Variants in PACRG observed in about 807,000 individuals in gnomAD.
The protein encoded by PACRG is parkin coregulated gene protein.
Under a neutral mutation model 29.7 loss-of-function variants are expected in PACRG, and 29 were observed. The observed-to-expected ratio is 0.98, with a 90% CI of 0.73 to 1.33. PACRG has a LOEUF of 1.33. PACRG is among the 40% of genes most tolerant of loss of function. The pLI is 0.00. For missense variants in PACRG, 279 were observed against 316.2 expected (o/e 0.88, Z 0.89); for synonymous variants, 116 against 118.7 (o/e 0.98, Z 0.15).
chr6:163,128,909 T>C (rs1223978314), intron 4 of PACRG, among the ~76,000 whole-genome samples: 1 of 152,200 alleles, frequency 6.6e-6, no homozygotes, highest in East Asian at 1.9e-4. Flanking sequence ...GTGACAAAAT[T>C]TGATTTGATA....
At chr6:162,741,134 T>C (rs1780561493) in intron 1 of PACRG, among the ~76,000 whole-genome samples, 1 of 152,210 alleles carries the variant, frequency 6.6e-6, no homozygotes, top group Admixed American at 6.5e-5. Context: ...AAATTATTGG[T>C]GTCTCTGATT....
At chr6:162,926,707 A>G (rs1422754933) in intron 2 of PACRG, among the ~76,000 whole-genome samples, 1 of 152,176 alleles carries the variant, frequency 6.6e-6, no homozygotes, top group East Asian at 1.9e-4. Flanking sequence ...AAACCCTAGA[A>G]GAAAACCTAG....
intron 1 of PACRG, among the ~76,000 whole-genome samples, chr6:162,784,031 T>C (rs1157594819): frequency 6.6e-6 from 1 of 152,178 alleles, no homozygotes; most frequent in Non-Finnish European, 1.5e-5. Flanking sequence ...TTTATTAGTT[T>C]TCTTATAATC....
chr6:163,166,972 T>C (rs78146200), intron 4 of PACRG, among the ~76,000 whole-genome samples: 1,654 of 152,356 alleles, frequency 0.011, 28 homozygotes, highest in African/African-American at 0.038. Context: ...TCTGCATGCT[T>C]TTCTATCCAA....
chr6:163,100,786 GA>G (rs1815038491), intron 4 of PACRG: 1 of 984,812 alleles, frequency 1.0e-6, no homozygotes, highest in Admixed American at 6.1e-5. Context: ...TGGCTCAGAA[GA>G]AGCTTAACCA....
At chr6:162,747,354 A>ATGTG (rs1562556273) in intron 1 of PACRG, among the ~76,000 whole-genome samples, 2 of 72,306 alleles carry the variant, frequency 2.8e-5, no homozygotes, top group African/African-American at 1.7e-4. Flanking sequence ...ATATATATAT[A>ATGTG]TATATATATA....
upstream of PACRG, chr6:162,727,353 C>G: frequency 2.9e-6 from 1 of 344,794 alleles, no homozygotes; most frequent in Non-Finnish European, 5.1e-6. Context: ...TTCGGGACCC[C>G]ACACGGTCCG....
intron 2 of PACRG, among the ~76,000 whole-genome samples, chr6:162,924,281 T>G (rs1403732620): frequency 6.6e-6 from 1 of 152,048 alleles, no homozygotes; most frequent in East Asian, 1.9e-4. Flanking sequence ...TTCTATGAAT[T>G]TTTTGGTAGA....
At chr6:162,832,163 G>C (rs1397922468) in intron 2 of PACRG, among the ~76,000 whole-genome samples, 1 of 152,120 alleles carries the variant, frequency 6.6e-6, no homozygotes, top group Admixed American at 6.6e-5. Context: ...AGCCTCTCCA[G>C]AATCTATTGC....
chr6:163,144,329 CACATACACACACAT>C (rs1380490534), intron 4 of PACRG, among the ~76,000 whole-genome samples: 2 of 112,956 alleles, frequency 1.8e-5, no homozygotes, highest in East Asian at 6.0e-4. Context: ...AAAAGCAACA[CACATACACACACAT>C]ACATACACAC....
At chr6:163,267,188 C>T (rs2128177746) in intron 4 of PACRG, among the ~76,000 whole-genome samples, 1 of 152,272 alleles carries the variant, frequency 6.6e-6, no homozygotes, top group East Asian at 1.9e-4. Context: ...GTAGGCAGAA[C>T]TCTTCATCCT....
chr6:163,163,551 C>T (rs1031844083), intron 4 of PACRG, among the ~76,000 whole-genome samples: 2 of 152,174 alleles, frequency 1.3e-5, no homozygotes, highest in Non-Finnish European at 2.9e-5. Context: ...GGATTACAGG[C>T]GTGAGCCACC....
chr6:163,308,665 C>CAAAAAAAAAAAAAA lies in PACRG; in HGVS notation c.614-6161_614-6148dup, dbSNP rs34275762. Among the ~76,000 whole-genome samples the CAAAAAAAAAAAAAA allele has an allele frequency of 8.1e-4, 106 of 131,362 alleles. 1 individual carries two copies. Among genetic ancestry groups the CAAAAAAAAAAAAAA allele is most frequent in the Middle Eastern group, 4.5e-3 (1 of 222 alleles). The allele number at this position is 131,362 out of a possible 152,430, so 86.2% of individuals were successfully genotyped here. ...TGGACCACAGAGTGAGGCTCCGTCTCAAAAAAAAAAAAAAGGAAAATTTAT... is the reference window on the plus strand; with the variant it reads ...TGGACCACAGAGTGAGGCTCCGTCTCAAAAAAAAAAAAAAAAAAAAAAAAAAAAGGAAAATTTAT... On this transcript the variant is annotated intron_variant, in intron 4 of 4. Transcript: ENST00000366888.
intron 2 of PACRG, among the ~76,000 whole-genome samples, chr6:162,901,839 A>G (rs924767800): frequency 6.6e-6 from 1 of 152,240 alleles, no homozygotes; most frequent in Non-Finnish European, 1.5e-5. Flanking sequence ...TCTGAAAATA[A>G]TTATAAAAGA....
At chr6:163,067,318 G>A (rs1811643777) in intron 3 of PACRG, among the ~76,000 whole-genome samples, 1 of 152,210 alleles carries the variant, frequency 6.6e-6, no homozygotes, top group East Asian at 1.9e-4. Context: ...GACGCCCCAG[G>A]CCCCACCAAA....
intron 1 of PACRG, among the ~76,000 whole-genome samples, chr6:162,787,582 G>GTGTGTGTATATA (rs1198197561): frequency 1.4e-3 from 90 of 62,368 alleles, no homozygotes; most frequent in Non-Finnish European, 2.4e-3. Context: ...GTGTGTGTGT[G>GTGTGTGTATATA]TATATATATA....
At chr6:162,758,230 C>T (rs1038284144) in intron 1 of PACRG, among the ~76,000 whole-genome samples, 4 of 151,948 alleles carry the variant, frequency 2.6e-5, no homozygotes, top group South Asian at 2.1e-4. Flanking sequence ...GATCTATTAC[C>T]TTTTTTAAAA....
chr6:163,249,476 AT>A (rs1309898050), intron 4 of PACRG, among the ~76,000 whole-genome samples: 1 of 152,252 alleles, frequency 6.6e-6, no homozygotes, highest in Admixed American at 6.5e-5. Flanking sequence ...TAAGTTATGA[AT>A]ATGACTGAAA....
rs778146662 is a variant in PACRG, at chr6:163,122,696, C to T, written c.613+33288C>T. Among the ~76,000 whole-genome samples, 87 of 152,310 alleles carry T rather than the reference C, an allele frequency of 5.7e-4. 2 individuals are homozygous for T. Among genetic ancestry groups the T allele is most frequent in the Admixed American group, 2.9e-3 (44 of 15,292 alleles). On this transcript the variant is annotated intron_variant, in intron 4 of 4. Coordinates refer to ENST00000366888, the MANE Select transcript of PACRG (RefSeq NM_001080379.2). ...GAATCGGAAGACAAAAAACCCCTTTCCTTCATAAATTACCCAACCCCAGGT... is the reference window on the plus strand; with the variant it reads ...GAATCGGAAGACAAAAAACCCCTTTTCTTCATAAATTACCCAACCCCAGGT...
Sources: allele counts gnomAD v4.1 joint callset (sites outside exome capture counted in the v4.1 genomes callset), GRCh38; gene constraint gnomAD v4.1.1; transcripts MANE v1.5; gene names NCBI Gene and HGNC (gene_info 2026-07-23, HGNC 2026-07-21).